Variants in SYNGR1 observed in about 807,000 individuals in gnomAD.
The protein encoded by SYNGR1 is synaptogyrin-1.
In SYNGR1, 14 loss-of-function variants were observed where a neutral mutation model predicts 26.1. The ratio of observed to expected loss-of-function variants is 0.54; its 90% CI spans 0.35 to 0.84. The LOEUF is 0.84. Ranked by LOEUF, SYNGR1 falls within the 40% of genes least tolerant of loss-of-function variation. The pLI, the probability that SYNGR1 is intolerant of heterozygous loss-of-function variation, is 0.01. For missense variants in SYNGR1, 319 were observed against 332.9 expected, an observed-to-expected ratio of 0.96 and a Z score of 0.33; for synonymous variants, 141 against 150.1, an observed-to-expected ratio of 0.94 and a Z score of 0.44.
At chr22:39,356,658 G>A (rs1161486662) in intron 1 of SYNGR1, among the ~76,000 whole-genome samples, 2 of 152,176 alleles carry the variant, frequency 1.3e-5, no homozygotes, top group Admixed American at 6.5e-5. Flanking sequence ...GGCTGTTGGA[G>A]GGAGCCACAC....
At chr22:39,366,010 T>TTTTTTTTTTTTTTTTTTTG (rs1924738689) in intron 1 of SYNGR1, among the ~76,000 whole-genome samples, 1 of 138,340 alleles carries the variant, frequency 7.2e-6, no homozygotes, top group African/African-American at 2.7e-5. Flanking sequence ...TTTTTTTTTT[T>TTTTTTTTTTTTTTTTTTTG]TTTTTGAGAC....
chr22:39,382,160 T>G lies in SYNGR1; in HGVS notation c.*246T>G. 2 of 594,538 alleles carry G rather than the reference T, an allele frequency of 3.4e-6. No individual in the cohort carries two copies. The highest frequency in any genetic ancestry group is 6.0e-6 in the Non-Finnish European group (2 of 332,946). The allele number at this position is 594,538 out of a possible 1,614,324, so 36.8% of individuals were successfully genotyped here. ...GGGTGGGGGCCAGGGGTATTTGCAT[T>G]CATACATTGTGTCATCAAGCATTCC... is the stretch of plus-strand genomic sequence containing the variant. On this transcript the variant is annotated 3_prime_UTR_variant, in exon 4 of 4. Coordinates refer to ENST00000328933, the MANE Select transcript of SYNGR1 (RefSeq NM_004711.5).
rs1925528123 is a variant in SYNGR1, at chr22:39,382,356, G to T, written c.*442G>T. On this transcript the variant is annotated 3_prime_UTR_variant, in exon 4 of 4. Coordinates refer to ENST00000328933, the MANE Select transcript of SYNGR1 (RefSeq NM_004711.5). ...TGCTGGGAAGTGTGGCTACACCGTG[G>T]CTTGGTCATAGGGTGAGTGTAAACA... 3.6e-6 allele frequency: 1 copy of T among 278,088 alleles called. No individual in the cohort carries two copies. Among genetic ancestry groups the T allele is most frequent in the Non-Finnish European group, 7.1e-6 (1 of 140,064 alleles). 17.2% of individuals were successfully genotyped at this position (278,088 alleles called of 1,614,324 possible).
At position 39,385,111 on chromosome 22, in the gene SYNGR1, G is replaced by A. The variant is rs1925618525; in HGVS notation, c.*3197G>A. On this transcript the variant is annotated 3_prime_UTR_variant, in exon 4 of 4. Coordinates refer to ENST00000328933, the MANE Select transcript of SYNGR1 (RefSeq NM_004711.5). ...GAGACACCCTGCCTGTTAGCCCTGG[G>A]AGACCCCTAACCTTGGCCCAAGACC... 1 of 397,992 alleles carries A rather than the reference G, an allele frequency of 2.5e-6. No homozygotes were observed. The highest frequency in any genetic ancestry group is 4.4e-5 in the Admixed American group (1 of 22,708). 24.7% of individuals were successfully genotyped at this position (397,992 alleles called of 1,614,324 possible). A position where few individuals can be genotyped will look rare whatever the true frequency, so the allele number is the denominator to read the frequency against.
intron 1 of SYNGR1, among the ~76,000 whole-genome samples, chr22:39,370,370 T>G (rs949664581): frequency 6.6e-6 from 1 of 152,014 alleles, no homozygotes; most frequent in African/African-American, 2.4e-5. Flanking sequence ...GACCTCATGA[T>G]CCACCCGCCT....
At chr22:39,370,983 A>G (rs759172135) in intron 1 of SYNGR1, among the ~76,000 whole-genome samples, 5 of 152,120 alleles carry the variant, frequency 3.3e-5, no homozygotes, top group South Asian at 2.1e-4. Flanking sequence ...CTCCCATTCA[A>G]TGTAGATTTA....
chr22:39,361,958 A>G (rs1446029125), intron 1 of SYNGR1, among the ~76,000 whole-genome samples: 1 of 151,190 alleles, frequency 6.6e-6, no homozygotes, highest in Non-Finnish European at 1.5e-5. Flanking sequence ...CACTGAGAGT[A>G]AGGCCCTGGG....
Position 39,376,090 on chromosome 22 carries a change from C to T in SYNGR1, c.376C>T (p.Leu126=). 6.2e-7 allele frequency: 1 copy of T among 1,614,222 alleles called. No individual in the cohort carries two copies. Among genetic ancestry groups the T allele is most frequent in the African/African-American group, 1.3e-5 (1 of 75,048 alleles). ...CCTCTGGTTCGTGGGATTCTGCTACCTGGCCAACCAGTGGCAGGTCTCCAA... is the reference window on the plus strand; with the variant it reads ...CCTCTGGTTCGTGGGATTCTGCTACTTGGCCAACCAGTGGCAGGTCTCCAA... ...AFLWFVGFCY[L]ANQWQVSKPK... The change falls in exon 3 of 4, where the codon CTG becomes TTG. Residue 126 remains leucine (L), a synonymous_variant. Transcript: ENST00000328933.
At chr22:39,374,589 T>G in intron 2 of SYNGR1, 36 bp downstream of exon 2, 2 of 1,606,926 alleles carry the variant, frequency 1.2e-6, no homozygotes, top group African/African-American at 2.7e-5. Flanking sequence ...CTGCACAGAG[T>G]CTACAGAGGG....
intron 1 of SYNGR1, among the ~76,000 whole-genome samples, chr22:39,356,116 G>A (rs1000187654): frequency 2.6e-5 from 4 of 152,184 alleles, no homozygotes; most frequent in South Asian, 2.1e-4. Flanking sequence ...ACCCAAGTTG[G>A]AATGCAGTGG....
At chr22:39,364,373 C>G (rs1235387042) in intron 1 of SYNGR1, 3 of 1,608,684 alleles carry the variant, frequency 1.9e-6, no homozygotes, top group East Asian at 2.2e-5. Context: ...GTGAAATGCT[C>G]TAAGTATAAG....
intron 1 of SYNGR1, among the ~76,000 whole-genome samples, chr22:39,351,457 G>T (rs1291879624): frequency 6.6e-6 from 1 of 152,240 alleles, no homozygotes; most frequent in Admixed American, 6.5e-5. Flanking sequence ...ACAGAGCCGG[G>T]CACCCCAGCA....
At chr22:39,357,796 G>A (rs1042617980) in intron 1 of SYNGR1, among the ~76,000 whole-genome samples, 26 of 152,242 alleles carry the variant, frequency 1.7e-4, no homozygotes, top group Admixed American at 1.2e-3. Flanking sequence ...GCCCACCGGC[G>A]CTGCGCTCGA....
intron 1 of SYNGR1, among the ~76,000 whole-genome samples, chr22:39,367,907 C>T (rs1022324388): frequency 6.6e-5 from 10 of 152,076 alleles, no homozygotes; most frequent in Non-Finnish European, 1.0e-4. Flanking sequence ...ACTTAGTTCC[C>T]GGGTCACTGC....
At chr22:39,368,250 AT>A (rs1158599038) in intron 1 of SYNGR1, among the ~76,000 whole-genome samples, 1 of 152,086 alleles carries the variant, frequency 6.6e-6, no homozygotes, top group East Asian at 1.9e-4. Flanking sequence ...TTTCGGTGCT[AT>A]TGTTGCCCCC....
At position 39,384,218 on chromosome 22, in the gene SYNGR1, C is replaced by T. The variant is rs1925589634; in HGVS notation, c.*2304C>T. On this transcript the variant is annotated 3_prime_UTR_variant, in exon 4 of 4. Transcript: ENST00000328933. ...CTCCTGCTGATGGGCACTAGGAGACCTCAGGGTACTGCCCATCTGTTTCTC... is the reference window on the plus strand; with the variant it reads ...CTCCTGCTGATGGGCACTAGGAGACTTCAGGGTACTGCCCATCTGTTTCTC... The T allele has an allele frequency of 3.5e-6, 1 of 286,508 alleles. No individual in the cohort carries two copies. Among genetic ancestry groups the T allele is most frequent in the Non-Finnish European group, 6.4e-6 (1 of 155,214 alleles). 17.7% of individuals were successfully genotyped at this position (286,508 alleles called of 1,614,324 possible).
rs575474085 is a variant in SYNGR1 at position 39,385,123 on chromosome 22, C to A, written c.*3209C>A. On this transcript the variant is annotated 3_prime_UTR_variant, in exon 4 of 4. Coordinates refer to ENST00000328933, the MANE Select transcript of SYNGR1 (RefSeq NM_004711.5). The stretch of plus-strand genomic sequence containing the variant: ...CTGTTAGCCCTGGGAGACCCCTAAC[C>A]TTGGCCCAAGACCCCTTTGATTCTC... The A allele has an allele frequency of 5.0e-6, 2 of 397,840 alleles. No homozygotes were observed. Among genetic ancestry groups the A allele is most frequent in the South Asian group, 2.8e-4 (2 of 7,108 alleles). 24.6% of individuals were successfully genotyped at this position (397,840 alleles called of 1,614,324 possible).
At chr22:39,376,467 C>G (rs1925290817) in intron 3 of SYNGR1, among the ~76,000 whole-genome samples, 1 of 152,130 alleles carries the variant, frequency 6.6e-6, no homozygotes, top group Non-Finnish European at 1.5e-5. Flanking sequence ...CGGACCACCC[C>G]CCCCCCAAAC....
chr22:39,352,290 CG>C (rs546737436), intron 1 of SYNGR1, among the ~76,000 whole-genome samples: 6 of 152,200 alleles, frequency 3.9e-5, no homozygotes, highest in Non-Finnish European at 7.3e-5. Context: ...CTACCTTTGT[CG>C]AACCAAGAGG....
Sources: gnomAD v4.1 joint callset for allele counts (sites outside exome capture counted in the v4.1 genomes callset) on GRCh38, gnomAD v4.1.1 for gene constraint, MANE v1.5 for transcripts, NCBI Gene and HGNC (gene_info 2026-07-23, HGNC 2026-07-21) for gene names.